Variants in ERBB4 observed in about 807,000 individuals in gnomAD.
The protein encoded by ERBB4 is erb-b2 receptor tyrosine kinase 4.
In ERBB4, 42 loss-of-function variants were observed where a neutral mutation model predicts 158.0. That is an observed-to-expected ratio of 0.27 (90% CI 0.21 to 0.34). ERBB4 has a LOEUF of 0.34. Among genes scored for constraint, ERBB4 ranks in the 10% least tolerant of loss-of-function variants. The pLI is 1.00. For synonymous variants in ERBB4, 583 were observed against 558.7 expected, an observed-to-expected ratio of 1.04 and a Z score of -0.61; for missense variants, 1,333 against 1,624.1, an observed-to-expected ratio of 0.82 and a Z score of 3.08.
At chr2:212,203,040 G>A (rs1042144430) in intron 1 of ERBB4, among the ~76,000 whole-genome samples, 2 of 151,648 alleles carry the variant, frequency 1.3e-5, no homozygotes, top group Non-Finnish European at 2.9e-5. Context: ...AAGGTGCTAG[G>A]CACAGAAGAT....
intron 25 of ERBB4, among the ~76,000 whole-genome samples, chr2:211,399,714 A>AACTT (rs1391713945): frequency 6.6e-6 from 1 of 152,178 alleles, no homozygotes; most frequent in East Asian, 1.9e-4. Flanking sequence ...TCAGCTATAA[A>AACTT]ACTTCAAGAT....
At chr2:212,352,420 C>T (rs2089293773) in intron 1 of ERBB4, among the ~76,000 whole-genome samples, 1 of 148,872 alleles carries the variant, frequency 6.7e-6, no homozygotes, top group Non-Finnish European at 1.5e-5. Flanking sequence ...ACCAGAAGTT[C>T]TTCTTTGGGG....
intron 4 of ERBB4, among the ~76,000 whole-genome samples, chr2:211,762,926 G>A (rs2075450982): frequency 6.6e-6 from 1 of 152,108 alleles, no homozygotes; most frequent in South Asian, 2.1e-4. Context: ...TTATGTGATT[G>A]ATGGACTAAA....
intron 2 of ERBB4, among the ~76,000 whole-genome samples, chr2:212,100,742 C>T (rs866337714): frequency 4.0e-4 from 61 of 152,028 alleles, no homozygotes; most frequent in African/African-American, 1.2e-3. Flanking sequence ...AAGGAAGAAG[C>T]AATTATTCTG....
At chr2:212,119,741 C>T (rs10204324) in intron 2 of ERBB4, among the ~76,000 whole-genome samples, 76,643 of 151,918 alleles carry the variant, frequency 0.5, 20,304 homozygotes, top group Non-Finnish European at 0.58. Flanking sequence ...AACTGGAGGT[C>T]AGAAGAAAGC....
chr2:211,905,130 G>T (rs1336755317), intron 3 of ERBB4, among the ~76,000 whole-genome samples: 1 of 152,058 alleles, frequency 6.6e-6, no homozygotes, highest in Non-Finnish European at 1.5e-5. Flanking sequence ...GTCTGAAATG[G>T]GTCTTGCTGG....
At chr2:211,559,709 G>C (rs531593462) in intron 20 of ERBB4, among the ~76,000 whole-genome samples, 164 of 152,234 alleles carry the variant, frequency 1.1e-3, no homozygotes, top group African/African-American at 3.8e-3. Context: ...TTGAATGTCT[G>C]TTCAATCCAT....
intron 1 of ERBB4, among the ~76,000 whole-genome samples, chr2:212,289,490 ATCC>A (rs1318636391): frequency 4.6e-5 from 7 of 152,216 alleles, no homozygotes; most frequent in African/African-American, 1.7e-4. Context: ...ATATTTCAAG[ATCC>A]TGAGTCAGCC....
intron 1 of ERBB4, among the ~76,000 whole-genome samples, chr2:212,374,540 T>C (rs1001580032): frequency 6.6e-6 from 1 of 151,942 alleles, no homozygotes; most frequent in African/African-American, 2.4e-5. Context: ...AAGTCATCAT[T>C]TTCCACATAT....
chr2:211,778,433 T>C (rs1304605553), intron 4 of ERBB4: 1 of 148,960 alleles, frequency 6.7e-6, no homozygotes, highest in Non-Finnish European at 1.5e-5. Flanking sequence ...TACAATGTTA[T>C]TGTTACCGCC....
intron 1 of ERBB4, among the ~76,000 whole-genome samples, chr2:212,537,250 T>C (rs1693138426): frequency 6.6e-6 from 1 of 151,904 alleles, no homozygotes; most frequent in Non-Finnish European, 1.5e-5. Flanking sequence ...CCGGGGGCTT[T>C]ATCACCTCAA....
intron 3 of ERBB4, among the ~76,000 whole-genome samples, chr2:211,912,079 C>T (rs143084315): frequency 5.5e-4 from 84 of 151,966 alleles, no homozygotes; most frequent in Admixed American, 1.9e-3. Context: ...GGAGAAGGTA[C>T]GTAGGAAGAC....
intron 19 of ERBB4, among the ~76,000 whole-genome samples, chr2:211,600,730 G>A (rs1574837632): frequency 6.6e-6 from 1 of 152,172 alleles, no homozygotes. Flanking sequence ...GGAAAATGGG[G>A]AAGGGGAGGC....
intron 1 of ERBB4, among the ~76,000 whole-genome samples, chr2:212,538,018 G>T (rs943998015): frequency 6.6e-6 from 1 of 152,138 alleles, no homozygotes; most frequent in Non-Finnish European, 1.5e-5. Flanking sequence ...CTTCGGGCTC[G>T]GCTCGGGAGA....
At chr2:211,772,949 ATATATAT>A (rs2075752346) in intron 4 of ERBB4, among the ~76,000 whole-genome samples, 1 of 75,048 alleles carries the variant, frequency 1.3e-5, no homozygotes, top group African/African-American at 7.6e-5. Flanking sequence ...ATATATATAT[ATATATAT>A]TTTTTTTTTT....
At chr2:211,641,023 C>T (rs920188799) in intron 16 of ERBB4, among the ~76,000 whole-genome samples, 46 of 152,032 alleles carry the variant, frequency 3.0e-4, no homozygotes, top group African/African-American at 1.1e-3. Flanking sequence ...TAAAGGGTAT[C>T]CAAAATCTAT....
At chr2:212,233,105 G>A (rs1049035082) in intron 1 of ERBB4, among the ~76,000 whole-genome samples, 1 of 152,034 alleles carries the variant, frequency 6.6e-6, no homozygotes, top group South Asian at 2.1e-4. Context: ...ACATGCTATT[G>A]GATTCCTTTT....
intron 20 of ERBB4, among the ~76,000 whole-genome samples, chr2:211,514,127 C>T (rs1241243360): frequency 1.3e-5 from 2 of 152,082 alleles, no homozygotes; most frequent in Admixed American, 6.5e-5. Context: ...CTTCATACCC[C>T]CTTACCCTCT....
chr2:211,876,949 G>C (rs576875895), intron 3 of ERBB4, among the ~76,000 whole-genome samples: 2 of 151,982 alleles, frequency 1.3e-5, no homozygotes, highest in Admixed American at 1.3e-4. Flanking sequence ...CATTGTTCCC[G>C]TTCAAATACT....
Sources: allele counts gnomAD v4.1 joint callset (sites outside exome capture counted in the v4.1 genomes callset), GRCh38; gene constraint gnomAD v4.1.1; transcripts MANE v1.5; gene names NCBI Gene and HGNC (gene_info 2026-07-23, HGNC 2026-07-21).